MYZAP: variants seen among roughly 807,000 people sequenced by gnomAD.
MYZAP encodes the protein GRINL1A complex locus upstream.
MYZAP carries 66 observed loss-of-function variants against 69.4 expected under a neutral mutation model. The observed-to-expected ratio is 0.95, with a 90% CI of 0.78 to 1.17. The LOEUF is 1.17. Ranked by LOEUF, MYZAP falls within the 50% of genes most tolerant of loss-of-function variation. The pLI is 0.00. For synonymous variants in MYZAP, 256 were observed against 205.9 expected, an observed-to-expected ratio of 1.24 and a Z score of -2.09; for missense variants, 611 against 556.2, an observed-to-expected ratio of 1.10 and a Z score of -0.99.
intron 11 of MYZAP, among the ~76,000 whole-genome samples, chr15:57,668,887 TATATA>T (rs1456482620): frequency 1.5e-5 from 2 of 129,936 alleles, no homozygotes; most frequent in African/African-American, 6.6e-5. Flanking sequence ...TATATATATA[TATATA>T]TATTTTTTTT....
intron 6 of MYZAP, among the ~76,000 whole-genome samples, chr15:57,631,466 A>AG (rs1425899351): frequency 6.8e-6 from 1 of 146,746 alleles, no homozygotes; most frequent in Non-Finnish European, 1.5e-5. Context: ...CCAAATTGGG[A>AG]AAAAAAAAAA....
rs551985687 is a variant in MYZAP at position 57,673,284 on chromosome 15, T to G, written c.1204-1684T>G. ...GACCCAGCATGCTGTGAAATCCTTA[T>G]GATTAAAGTCTTTACACTAAGAAGG... On this transcript the variant is annotated intron_variant, in intron 11 of 12. Coordinates refer to ENST00000267853, the MANE Select transcript of MYZAP (RefSeq NM_001018100.5). 4.6e-5 allele frequency among the ~76,000 whole-genome samples: 7 copies of G among 152,304 alleles called. No individual in the cohort carries two copies. The South Asian group carries it at 1.0e-3, about 23-fold the overall frequency.
intron 11 of MYZAP, among the ~76,000 whole-genome samples, chr15:57,661,836 G>C (rs896358491): frequency 6.6e-6 from 1 of 152,126 alleles, no homozygotes; most frequent in Non-Finnish European, 1.5e-5. Context: ...TTTGTCCAGT[G>C]CTTTATAATT....
At chr15:57,643,741 GT>G (rs76647740) in intron 10 of MYZAP, among the ~76,000 whole-genome samples, 13,173 of 136,150 alleles carry the variant, frequency 0.097, 641 homozygotes, top group Middle Eastern at 0.18. Flanking sequence ...TTTTTTTTTT[GT>G]TTTTTTTTTT....
intron 8 of MYZAP, among the ~76,000 whole-genome samples, chr15:57,634,191 G>A (rs944635205): frequency 6.6e-6 from 1 of 152,148 alleles, no homozygotes; most frequent in Non-Finnish European, 1.5e-5. Flanking sequence ...TGGTGAGTGT[G>A]GTGGGGGAAC....
intron 11 of MYZAP, among the ~76,000 whole-genome samples, chr15:57,671,464 C>T (rs1177066967): frequency 1.3e-5 from 2 of 151,980 alleles, no homozygotes; most frequent in African/African-American, 4.8e-5. Flanking sequence ...TTATGTTTTA[C>T]AGTAATTTTC....
chr15:57,673,248 T>C (rs531921256), intron 11 of MYZAP, among the ~76,000 whole-genome samples: 13 of 152,318 alleles, frequency 8.5e-5, no homozygotes, highest in Admixed American at 7.8e-4. Context: ...GCCCCCTACC[T>C]ATAGGTATTA....
intron 3 of MYZAP, among the ~76,000 whole-genome samples, chr15:57,621,131 T>A (rs1265160897): frequency 1.3e-5 from 2 of 148,540 alleles, no homozygotes; most frequent in Non-Finnish European, 3.0e-5. Context: ...AACTAGTTGT[T>A]GGGGGTGACC....
chr15:57,610,835 G>T (rs188860264), intron 2 of MYZAP, among the ~76,000 whole-genome samples: 7 of 152,042 alleles, frequency 4.6e-5, no homozygotes, highest in Non-Finnish European at 8.8e-5. Context: ...AAACCCACTG[G>T]ACTATACAAC....
chr15:57,659,979 G>A (rs1464568606), intron 10 of MYZAP, among the ~76,000 whole-genome samples: 1 of 151,980 alleles, frequency 6.6e-6, no homozygotes, highest in Non-Finnish European at 1.5e-5. Flanking sequence ...GTGCATTCAT[G>A]TGTCCCCACC....
chr15:57,619,735 A>AT (rs1485217579), intron 3 of MYZAP, among the ~76,000 whole-genome samples: 1 of 152,052 alleles, frequency 6.6e-6, no homozygotes, highest in African/African-American at 2.4e-5. Context: ...ATTTTCTTGT[A>AT]TTTTTTTCTC....
chr15:57,634,283 G>A (rs2036681711), intron 8 of MYZAP, among the ~76,000 whole-genome samples: 1 of 152,112 alleles, frequency 6.6e-6, no homozygotes, highest in Non-Finnish European at 1.5e-5. Context: ...AGGAAGTGGA[G>A]GAAGGGGAGG....
At chr15:57,680,360 C>T (rs1192430467) in intron 12 of MYZAP, among the ~76,000 whole-genome samples, 1 of 152,056 alleles carries the variant, frequency 6.6e-6, no homozygotes, top group Non-Finnish European at 1.5e-5. Context: ...ACTTTCTCCT[C>T]CTCAAATTCT....
At chr15:57,630,560 T>C (rs1307306026) in intron 6 of MYZAP, among the ~76,000 whole-genome samples, 1 of 151,952 alleles carries the variant, frequency 6.6e-6, no homozygotes, top group Non-Finnish European at 1.5e-5. Context: ...AAGAAGAAAA[T>C]TGGTGGGTGA....
intron 1 of MYZAP, among the ~76,000 whole-genome samples, chr15:57,596,459 G>A (rs150340776): frequency 6.6e-5 from 10 of 152,304 alleles, no homozygotes; most frequent in African/African-American, 2.2e-4. Context: ...ATGGTCTTAC[G>A]GAATTCCAGT....
chr15:57,624,605 GC>G (rs1227367825), intron 4 of MYZAP, among the ~76,000 whole-genome samples: 9 of 152,196 alleles, frequency 5.9e-5, no homozygotes, highest in Admixed American at 3.9e-4. Flanking sequence ...AATTGGATTT[GC>G]AATAGATGCA....
Position 57,628,311 on chromosome 15 carries a change from C to T in MYZAP, c.526-1391C>T, listed in dbSNP as rs1011872543. Among the ~76,000 whole-genome samples, 15 of 152,174 alleles carry T rather than the reference C, an allele frequency of 9.9e-5. 1 individual carries two copies. The highest frequency in any genetic ancestry group is 4.1e-4 in the South Asian group (2 of 4,820). ...TTAGAGATGGGGTCTTGCTCTGTTG[C>T]GCAGGCTGGAGTGCAGCAGTGTGAT... is the stretch of plus-strand genomic sequence containing the variant. On this transcript the variant is annotated intron_variant, in intron 5 of 12. Coordinates refer to ENST00000267853, the MANE Select transcript of MYZAP (RefSeq NM_001018100.5).
chr15:57,670,968 C>T (rs1425499498), intron 11 of MYZAP, among the ~76,000 whole-genome samples: 1 of 151,988 alleles, frequency 6.6e-6, no homozygotes, highest in African/African-American at 2.4e-5. Context: ...ACATGATTAT[C>T]ATTTTTGCTT....
intron 12 of MYZAP, among the ~76,000 whole-genome samples, chr15:57,676,594 C>A (rs115315922): frequency 0.02 from 3,084 of 151,908 alleles, 115 homozygotes; most frequent in African/African-American, 0.071. Flanking sequence ...CCGTTTCCCC[C>A]CTTTTTGTAT....
Sources: allele counts gnomAD v4.1 joint callset (sites outside exome capture counted in the v4.1 genomes callset), GRCh38; gene constraint gnomAD v4.1.1; transcripts MANE v1.5; gene names NCBI Gene and HGNC (gene_info 2026-07-23, HGNC 2026-07-21).